PTPRC: variants seen among roughly 807,000 people sequenced by gnomAD.
PTPRC encodes the protein protein tyrosine phosphatase receptor type C.
Under a neutral mutation model 155.9 loss-of-function variants are expected in PTPRC, and 44 were observed. The ratio of observed to expected loss-of-function variants is 0.28; its 90% confidence interval spans 0.22 to 0.36. PTPRC has a LOEUF of 0.36. PTPRC is among the 10% of genes least tolerant of loss of function. The pLI, the probability that PTPRC is intolerant of heterozygous loss-of-function variation, is 1.00. For missense variants in PTPRC, 1,401 were observed against 1,564.6 expected (o/e 0.90, Z 1.76); for synonymous variants, 525 against 533.1 (o/e 0.98, Z 0.21).
chr1:198,676,827 C>T (rs1664982354), intron 2 of PTPRC, among the ~76,000 whole-genome samples: 1 of 152,132 alleles, frequency 6.6e-6, no homozygotes, highest in Non-Finnish European at 1.5e-5. Flanking sequence ...GGGAGCATAA[C>T]TCAGATTTCT....
At position 198,645,220 on chromosome 1, in the gene PTPRC, A is replaced by G. The variant is rs374540788; in HGVS notation, c.73+5879A>G. ...TTCTCTGCATTTTAAATTAAAGTACAATTTGTCTGTGGTCATTCAAGAGAT... is the reference window on the plus strand; with the variant it reads ...TTCTCTGCATTTTAAATTAAAGTACGATTTGTCTGTGGTCATTCAAGAGAT... On this transcript the variant is annotated intron_variant, in intron 2 of 32. Coordinates refer to ENST00000442510, the MANE Select transcript of PTPRC (RefSeq NM_002838.5). Among the ~76,000 whole-genome samples, 4 of 151,826 alleles carry G rather than the reference A, an allele frequency of 2.6e-5. No homozygotes were observed. In the East Asian group the frequency reaches 5.8e-4, roughly 22 times the overall value.
chr1:198,645,147 C>G (rs2102189451), intron 2 of PTPRC, among the ~76,000 whole-genome samples: 1 of 151,848 alleles, frequency 6.6e-6, no homozygotes, highest in Admixed American at 6.6e-5. Flanking sequence ...AGGATATGAA[C>G]AGCTGGTATA....
At chr1:198,679,848 C>A in intron 2 of PTPRC, 2 of 593,184 alleles carry the variant, frequency 3.4e-6, no homozygotes, top group Admixed American at 2.8e-5. Flanking sequence ...CTGTTAGGAC[C>A]AAGGTGTAGA....
chr1:198,713,514 T>C (rs1196487128), intron 12 of PTPRC, among the ~76,000 whole-genome samples: 1 of 151,936 alleles, frequency 6.6e-6, no homozygotes, highest in African/African-American at 2.4e-5. Flanking sequence ...CATGGGCCCA[T>C]GTAGCCGCTG....
intron 2 of PTPRC, among the ~76,000 whole-genome samples, chr1:198,652,974 A>G (rs1003297730): frequency 1.3e-5 from 2 of 151,892 alleles, no homozygotes; most frequent in African/African-American, 4.8e-5. Flanking sequence ...ATACAATATA[A>G]GAAGTACTTC....
At chr1:198,642,613 T>C (rs1167928220) in intron 2 of PTPRC, among the ~76,000 whole-genome samples, 1 of 151,956 alleles carries the variant, frequency 6.6e-6, no homozygotes, top group Admixed American at 6.6e-5. Flanking sequence ...TGCTTTGTAA[T>C]AATCTCTAAT....
At chr1:198,720,149 G>C (rs1292076723) in intron 14 of PTPRC, among the ~76,000 whole-genome samples, 1 of 152,046 alleles carries the variant, frequency 6.6e-6, no homozygotes, top group Non-Finnish European at 1.5e-5. Context: ...GAAATCAACA[G>C]CCTATTATTG....
At chr1:198,648,021 A>G (rs1375048571) in intron 2 of PTPRC, among the ~76,000 whole-genome samples, 2 of 151,846 alleles carry the variant, frequency 1.3e-5, no homozygotes, top group African/African-American at 4.8e-5. Flanking sequence ...CTATCTTAAG[A>G]TCTATATATA....
intron 2 of PTPRC, among the ~76,000 whole-genome samples, chr1:198,670,212 G>A (rs1297903514): frequency 6.6e-6 from 1 of 152,022 alleles, no homozygotes; most frequent in Non-Finnish European, 1.5e-5. Context: ...GAATATAAAT[G>A]TTTCTGCTTC....
chr1:198,713,644 T>C (rs779004916), intron 12 of PTPRC, among the ~76,000 whole-genome samples: 4 of 151,976 alleles, frequency 2.6e-5, no homozygotes, highest in Non-Finnish European at 5.9e-5. Flanking sequence ...AGTTCACTCA[T>C]GAAATGTTCA....
intron 3 of PTPRC, chr1:198,693,075 G>A: frequency 2.0e-6 from 2 of 976,846 alleles, no homozygotes; most frequent in Non-Finnish European, 2.4e-6. Flanking sequence ...CATTAAGAAG[G>A]TAAGTAAAAC....
At chr1:198,747,996 A>AT in intron 26 of PTPRC, 113 bp from the exon 27 acceptor site, 1 of 1,461,150 alleles carries the variant, frequency 6.8e-7, no homozygotes, top group Non-Finnish European at 9.2e-7. Context: ...TAGGGAGCAT[A>AT]TGCAAATTTC....
At chr1:198,752,793 T>C (rs1185273668) in intron 31 of PTPRC, 21 bp downstream of exon 31, 3 of 1,608,162 alleles carry the variant, frequency 1.9e-6, no homozygotes, top group South Asian at 1.1e-5. Flanking sequence ...TTTGGTAGAA[T>C]GTGCTCTCAA....
In PTPRC at chr1:198,756,214, C is replaced by CTGTT. The variant is rs770772215; in HGVS notation, c.*34_*37dup. 1 of 1,610,526 alleles carries CTGTT rather than the reference C, an allele frequency of 6.2e-7. No homozygotes were observed. Among genetic ancestry groups the CTGTT allele is most frequent in the Non-Finnish European group, 8.5e-7 (1 of 1,177,908 alleles). ...CATAAATGAGGAAACTCCAAACCTC[C>CTGTT]TGTTAGCTGTTATTTCTATTTTTGT... On this transcript the variant is annotated 3_prime_UTR_variant, in exon 33 of 33. Transcript: ENST00000442510.
chr1:198,656,639 GT>G (rs201088832), intron 2 of PTPRC, among the ~76,000 whole-genome samples: 1 of 85,144 alleles, frequency 1.2e-5, no homozygotes, highest in African/African-American at 5.2e-5. Context: ...AGGGCTACTA[GT>G]TTTTTGTTTT....
intron 2 of PTPRC, among the ~76,000 whole-genome samples, chr1:198,667,222 G>C (rs888034139): frequency 6.6e-6 from 1 of 152,194 alleles, no homozygotes; most frequent in Non-Finnish European, 1.5e-5. Context: ...TTATTGGCCA[G>C]AAATTTAACA....
intron 15 of PTPRC, among the ~76,000 whole-genome samples, chr1:198,724,630 T>C (rs978804380): frequency 3.9e-5 from 6 of 152,162 alleles, no homozygotes; most frequent in Admixed American, 6.5e-5. Context: ...AAATTATTTC[T>C]GTCTTATTTT....
chr1:198,667,407 T>C (rs911083781), intron 2 of PTPRC, among the ~76,000 whole-genome samples: 1 of 152,218 alleles, frequency 6.6e-6, no homozygotes, highest in African/African-American at 2.4e-5. Context: ...TGATTGAATC[T>C]ATATTAGGCC....
chr1:198,724,732 C>T (rs1654050113), intron 15 of PTPRC, among the ~76,000 whole-genome samples: 3 of 151,684 alleles, frequency 2.0e-5, no homozygotes, highest in Admixed American at 2.0e-4. Context: ...AGTTTTCCTC[C>T]CCTGGAAATG....
Sources: allele counts gnomAD v4.1 joint callset (sites outside exome capture counted in the v4.1 genomes callset), GRCh38; gene constraint gnomAD v4.1.1; transcripts MANE v1.5; gene names NCBI Gene and HGNC (gene_info 2026-07-23, HGNC 2026-07-21).